The following ATXN7L2 variants were observed in gnomAD, a reference collection of about 807,000 sequenced individuals.
ATXN7L2 encodes ataxin-7-like protein 2.
A neutral mutation model predicts 59.6 loss-of-function variants in ATXN7L2; 17 were observed. That is an observed-to-expected ratio of 0.29 (90% CI 0.20 to 0.43). ATXN7L2 has a LOEUF of 0.43. Among genes scored for constraint, ATXN7L2 ranks in the 20% least tolerant of loss-of-function variants. The probability of loss-of-function intolerance (pLI) is 1.00; values close to 1 mark genes in which losing one functional copy is unlikely to be tolerated. For synonymous variants in ATXN7L2, 378 were observed against 392.5 expected (o/e 0.96, Z 0.44); for missense variants, 858 against 1,008.9 (o/e 0.85, Z 2.03).
In ATXN7L2 at chr1:109,490,358, A is replaced by C; in HGVS notation, c.1420A>C (p.Met474Leu). The C allele has an allele frequency of 1.2e-6, 2 of 1,613,810 alleles. No homozygotes were observed. The highest frequency in any genetic ancestry group is 1.7e-6 in the Non-Finnish European group (2 of 1,180,022). ...CCGGTTCTGCTCAGCACTCAGCTCC[A>C]TGCTGGAACGGCACCTCAGCACACA... Reference protein sequence around the residue: ...LDRFCSALSSMLERHLSTHMW... With the variant: ...LDRFCSALSSLLERHLSTHMW... The change falls in exon 9 of 11, where the codon ATG becomes CTG. Residue 474 changes from methionine (M) to leucine (L), a missense_variant. Around this residue, in one of 3 missense-constraint regions of ATXN7L2, gnomAD observed 734 missense variants for 862.3 expected, o/e 0.85. Coordinates refer to ENST00000683729, the MANE Select transcript of ATXN7L2 (RefSeq NM_001350175.2).
rs770017357 is a variant in ATXN7L2, at chr1:109,487,111, G to C, written c.403G>C (p.Ala135Pro). 6.2e-7 allele frequency: 1 copy of C among 1,612,576 alleles called. No homozygotes were observed. Among genetic ancestry groups the C allele is most frequent in the Non-Finnish European group, 8.5e-7 (1 of 1,179,346 alleles). The change falls in exon 4 of 11, where the codon GCT becomes CCT. Residue 135 changes from alanine to proline, a missense_variant. Ala to Pro is a conservative substitution (Grantham distance 27). Around this residue, in one of 3 missense-constraint regions of ATXN7L2, gnomAD observed 734 missense variants for 862.3 expected, o/e 0.85. Coordinates refer to ENST00000683729, the MANE Select transcript of ATXN7L2 (RefSeq NM_001350175.2). Reference sequence around the variant, plus strand: ...CCATGTAGTGAATGGGCAGGGCCCAGCTTGTAGGGCCCCAGGTTCCACGAA... The same window carrying C: ...CCATGTAGTGAATGGGCAGGGCCCACCTTGTAGGGCCCCAGGTTCCACGAA... ...KCHVVNGQGP[A>P]CRAPGSTKTS...
chr1:109,490,438 T>G, intron 9 of ATXN7L2, 46 bp downstream of exon 9: 1 of 1,600,152 alleles, frequency 6.2e-7, no homozygotes, highest in Non-Finnish European at 8.5e-7. Flanking sequence ...TGGAAATTCC[T>G]AGGTTCCAGA....
In ATXN7L2 at chr1:109,483,979, C is replaced by T. The variant is rs758439174; in HGVS notation, c.26C>T (p.Ala9Val). ...ATGGCGGTGCGTGAACGCGCGGCGG[C>T]AGCAATGGCCGCTCTGGAGCGGCGG... Reference protein sequence around the residue: MAVRERAAAAMAALERRVP... With the variant: MAVRERAAVAMAALERRVP... The change falls in exon 1 of 11, where the codon GCA (alanine) becomes GTA (valine). Residue 9 changes from alanine (A) to valine (V), a missense_variant. Coordinates refer to ENST00000683729, the MANE Select transcript of ATXN7L2 (RefSeq NM_001350175.2). The T allele has an allele frequency of 2.2e-6, 3 of 1,365,488 alleles. No individual in the cohort carries two copies. Among genetic ancestry groups the T allele is most frequent in the Non-Finnish European group, 2.9e-6 (3 of 1,048,678 alleles). The allele number at this position is 1,365,488 out of a possible 1,614,324, so 84.6% of individuals were successfully genotyped here.
Position 109,486,489 on chromosome 1 carries a change from G to A in ATXN7L2, c.194-17G>A, listed in dbSNP as rs1656592252. On this transcript the variant is annotated splice_polypyrimidine_tract_variant and intron_variant, in intron 2 of 10. Coordinates refer to ENST00000683729, the MANE Select transcript of ATXN7L2 (RefSeq NM_001350175.2). This position sits in a 1 kb window ranked among gnomAD's most constrained non-coding sequence, Gnocchi z 4.3. ...TGGGATCTTCAGCCCCAGTGACATG[G>A]GCTTCTGTCATTGCAGACATGTCCA... 6.3e-7 allele frequency: 1 copy of A among 1,597,864 alleles called. No individual in the cohort carries two copies. The highest frequency in any genetic ancestry group is 8.6e-7 in the Non-Finnish European group (1 of 1,166,350).
Position 109,492,687 on chromosome 1 carries a change from C to G in ATXN7L2, c.*87C>G. The G allele has an allele frequency of 6.8e-7, 1 of 1,468,926 alleles. No individual in the cohort carries two copies. The highest frequency in any genetic ancestry group is 9.2e-7 in the Non-Finnish European group (1 of 1,086,246). 91.0% of individuals were successfully genotyped at this position (1,468,926 alleles called of 1,614,324 possible). A position where few individuals can be genotyped will look rare whatever the true frequency, so the allele number is the denominator to read the frequency against. ...CCCAGGCTGCTGCCGCTTTTTATAACTTTATATTATTTTTTTTTAAGAAAA... is the reference window on the plus strand; with the variant it reads ...CCCAGGCTGCTGCCGCTTTTTATAAGTTTATATTATTTTTTTTTAAGAAAA... On this transcript the variant is annotated 3_prime_UTR_variant, in exon 11 of 11. Coordinates refer to ENST00000683729, the MANE Select transcript of ATXN7L2 (RefSeq NM_001350175.2).
At chr1:109,484,594 C>T (rs1398099479) in intron 1 of ATXN7L2, among the ~76,000 whole-genome samples, 2 of 152,134 alleles carry the variant, frequency 1.3e-5, no homozygotes, top group Non-Finnish European at 2.9e-5. Flanking sequence ...ATCTATCCTC[C>T]CTCCCTCCAT....
In ATXN7L2 at chr1:109,491,771, T is replaced by A; in HGVS notation, c.2250+54T>A. 6.7e-7 allele frequency: 1 copy of A among 1,484,534 alleles called. No homozygotes were observed. Among genetic ancestry groups the A allele is most frequent in the Non-Finnish European group, 9.0e-7 (1 of 1,110,610 alleles). 92.0% of individuals were successfully genotyped at this position (1,484,534 alleles called of 1,614,324 possible). On this transcript the variant is annotated intron_variant, in intron 10 of 10. Transcript: ENST00000683729. This position sits in a 1 kb window ranked among gnomAD's most constrained non-coding sequence, Gnocchi z 4.1. The stretch of plus-strand genomic sequence containing the variant: ...GAGGGTGGGGCACACAGGGGGTACC[T>A]GATACAGAGAAGATGCTACATTGGT...
Position 109,486,316 on chromosome 1 carries a change from C to G in ATXN7L2, c.194-190C>G. The G allele has an allele frequency of 1.0e-6, 1 of 993,038 alleles. No homozygotes were observed. Among genetic ancestry groups the G allele is most frequent in the Non-Finnish European group, 1.4e-6 (1 of 697,412 alleles). 61.5% of individuals were successfully genotyped at this position (993,038 alleles called of 1,614,324 possible). On this transcript the variant is annotated intron_variant, in intron 2 of 10. Transcript: ENST00000683729. The surrounding 1 kb of genome is among the most constrained non-coding windows in gnomAD (Gnocchi z 4.3). Reference sequence around the variant, plus strand: ...GATCATAATCATAGGTGATTGCCCACTCACCTGAAAGCGTATACCCTTTGG... The same window carrying G: ...GATCATAATCATAGGTGATTGCCCAGTCACCTGAAAGCGTATACCCTTTGG...
chr1:109,487,385 C>G, intron 4 of ATXN7L2, 133 bp from the exon 5 acceptor site: 4 of 1,189,898 alleles, frequency 3.4e-6, no homozygotes, highest in South Asian at 1.8e-5. Flanking sequence ...GTCTCCTCTT[C>G]CCGTGTTTCA....
Position 109,488,321 on chromosome 1 carries a change from C to A in ATXN7L2, c.797-62C>A. On this transcript the variant is annotated intron_variant, in intron 5 of 10. Coordinates refer to ENST00000683729, the MANE Select transcript of ATXN7L2 (RefSeq NM_001350175.2). This position sits in a 1 kb window ranked among gnomAD's most constrained non-coding sequence, Gnocchi z 5.0. ...TCTCAGGCCCTTGGCAGGAAGCGGC[C>A]AAATCCTCCTGTAAACTCCTGGAAA... The A allele has an allele frequency of 6.7e-7, 1 of 1,495,824 alleles. No homozygotes were observed. The highest frequency in any genetic ancestry group is 1.2e-5 in the South Asian group (1 of 83,504). The allele number at this position is 1,495,824 out of a possible 1,614,324, so 92.7% of individuals were successfully genotyped here. A position where few individuals can be genotyped will look rare whatever the true frequency, so the allele number is the denominator to read the frequency against.
In ATXN7L2 at chr1:109,491,096, A is replaced by G. The variant is rs1247815599; in HGVS notation, c.1629A>G (p.Ala543=). 2 of 1,613,664 alleles carry G rather than the reference A, an allele frequency of 1.2e-6. No individual in the cohort carries two copies. Among genetic ancestry groups the G allele is most frequent in the Non-Finnish European group, 1.7e-6 (2 of 1,179,978 alleles). The change falls in exon 10 of 11, where the codon GCA becomes GCG. Residue 543 remains alanine (A), a synonymous_variant. Coordinates refer to ENST00000683729, the MANE Select transcript of ATXN7L2 (RefSeq NM_001350175.2). The surrounding 1 kb of genome is among the most constrained non-coding windows in gnomAD (Gnocchi z 4.1). ...TKDNLVPSYP[A]GSPSVAAACS... Reference sequence around the variant, plus strand: ...ACAACCTTGTCCCCAGCTACCCTGCAGGCTCCCCCAGCGTGGCGGCTGCCT... The same window carrying G: ...ACAACCTTGTCCCCAGCTACCCTGCGGGCTCCCCCAGCGTGGCGGCTGCCT...
Position 109,488,271 on chromosome 1 carries a change from G to T in ATXN7L2, c.797-112G>T. ...AGGTACAGCCCCAGGCTGAGGGCTG[G>T]AGTCTCTTCTGCCTTAGTACCAGTT... On this transcript the variant is annotated intron_variant, in intron 5 of 10. Coordinates refer to ENST00000683729, the MANE Select transcript of ATXN7L2 (RefSeq NM_001350175.2). The surrounding 1 kb of genome is among the most constrained non-coding windows in gnomAD (Gnocchi z 5.0). The T allele has an allele frequency of 1.0e-6, 1 of 983,848 alleles. No individual in the cohort carries two copies. The highest frequency in any genetic ancestry group is 1.6e-6 in the Non-Finnish European group (1 of 635,740). The allele number at this position is 983,848 out of a possible 1,614,324, so 60.9% of individuals were successfully genotyped here.
chr1:109,488,256 C>A lies in ATXN7L2; in HGVS notation c.797-127C>A. The stretch of plus-strand genomic sequence containing the variant: ...AGAAGTTTATCTGGAAGGTACAGCC[C>A]CAGGCTGAGGGCTGGAGTCTCTTCT... On this transcript the variant is annotated intron_variant, in intron 5 of 10. Transcript: ENST00000683729. The surrounding 1 kb of genome is among the most constrained non-coding windows in gnomAD (Gnocchi z 5.0). 1 of 894,406 alleles carries A rather than the reference C, an allele frequency of 1.1e-6. No homozygotes were observed. The highest frequency in any genetic ancestry group is 1.8e-6 in the Non-Finnish European group (1 of 554,326). The allele number at this position is 894,406 out of a possible 1,614,324, so 55.4% of individuals were successfully genotyped here.
chr1:109,490,143 T>C lies in ATXN7L2; in HGVS notation c.1332+15T>C, dbSNP rs1277290472. 1.3e-6 allele frequency: 2 copies of C among 1,564,646 alleles called. No individual in the cohort carries two copies. The highest frequency in any genetic ancestry group is 2.4e-5 in the South Asian group (2 of 82,472). On this transcript the variant is annotated intron_variant, in intron 8 of 10. Coordinates refer to ENST00000683729, the MANE Select transcript of ATXN7L2 (RefSeq NM_001350175.2). Reference sequence around the variant, plus strand: ...GGCCACAGGCGGTAAGGACCTGGAATAGGGGCCTATGGAGGGGGTGGCCCA... The same window carrying C: ...GGCCACAGGCGGTAAGGACCTGGAACAGGGGCCTATGGAGGGGGTGGCCCA...
At position 109,491,909 on chromosome 1, in the gene ATXN7L2, C is replaced by A; in HGVS notation, c.2250+192C>A. 1 of 1,209,042 alleles carries A rather than the reference C, an allele frequency of 8.3e-7. No homozygotes were observed. The highest frequency in any genetic ancestry group is 1.1e-6 in the Non-Finnish European group (1 of 901,720). The allele number at this position is 1,209,042 out of a possible 1,614,324, so 74.9% of individuals were successfully genotyped here. On this transcript the variant is annotated intron_variant, in intron 10 of 10. Transcript: ENST00000683729. The surrounding 1 kb of genome is among the most constrained non-coding windows in gnomAD (Gnocchi z 4.1). ...TGACTCCAGCTTTTTGCCTGGTGAA[C>A]CTTCCCCTATCCCTAACCCTTTCCC...
rs1179446962 is a variant in ATXN7L2, at chr1:109,491,545, A to G, written c.2078A>G (p.Asn693Ser). The change falls in exon 10 of 11, where the codon AAC becomes AGC. Residue 693 changes from asparagine to serine, a missense_variant. By Grantham distance (46) the Asn-to-Ser change is conservative. Transcript: ENST00000683729. This position sits in a 1 kb window ranked among gnomAD's most constrained non-coding sequence, Gnocchi z 4.1. ...CACCCAGCCAAGGCCCTGCCAACCA[A>G]CTGCCTCTCTGAGGAGGAGGTGGCC... ...AGHPAKALPT[N>S]CLSEEEVAKK... The G allele has an allele frequency of 2.5e-6, 4 of 1,613,980 alleles. No individual in the cohort carries two copies. Among genetic ancestry groups the G allele is most frequent in the Admixed American group, 1.7e-5 (1 of 60,038 alleles).
In ATXN7L2 at chr1:109,491,405, T is replaced by G; in HGVS notation, c.1938T>G (p.Asn646Lys). ...AAACAGCCCTGAGCATGGGGCTTAA[T>G]GGGACAATGGGGCCAAGAGTGAAGC... Reference protein sequence around the residue: ...KTKTALSMGLNGTMGPRVKRA... With the variant: ...KTKTALSMGLKGTMGPRVKRA... The change falls in exon 10 of 11, where the codon AAT becomes AAG. Residue 646 changes from asparagine to lysine, a missense_variant. Around this residue, in one of 3 missense-constraint regions of ATXN7L2, gnomAD observed 734 missense variants for 862.3 expected, o/e 0.85. Coordinates refer to ENST00000683729, the MANE Select transcript of ATXN7L2 (RefSeq NM_001350175.2). The surrounding 1 kb of genome is among the most constrained non-coding windows in gnomAD (Gnocchi z 4.1). The G allele has an allele frequency of 1.9e-6, 3 of 1,614,210 alleles. No individual in the cohort carries two copies. Among genetic ancestry groups the G allele is most frequent in the Non-Finnish European group, 2.5e-6 (3 of 1,180,036 alleles).
In ATXN7L2 at chr1:109,488,972, G is replaced by C; in HGVS notation, c.1005G>C (p.Lys335Asn). 2 of 1,614,184 alleles carry C rather than the reference G, an allele frequency of 1.2e-6. No homozygotes were observed. The highest frequency in any genetic ancestry group is 1.7e-6 in the Non-Finnish European group (2 of 1,180,022). The stretch of plus-strand genomic sequence containing the variant: ...CCAAGGAGAAGAGCCCAGGGCGCAA[G>C]GAGCAAGTTCTCGAGCGCCCCTCCC... ...ESPKEKSPGR[K>N]EQVLERPSQE... The change falls in exon 7 of 11, where the codon AAG becomes AAC. Residue 335 changes from lysine (K) to asparagine (N), a missense_variant. By Grantham distance (94) the Lys-to-Asn change is moderately conservative. This residue lies in a region of ATXN7L2 where 734 missense variants were observed against 862.3 expected (regional missense o/e 0.85). Coordinates refer to ENST00000683729, the MANE Select transcript of ATXN7L2 (RefSeq NM_001350175.2). This position sits in a 1 kb window ranked among gnomAD's most constrained non-coding sequence, Gnocchi z 5.0.
chr1:109,485,586 G>A, intron 1 of ATXN7L2: 4 of 985,634 alleles, frequency 4.1e-6, no homozygotes, highest in Non-Finnish European at 4.8e-6. Context: ...CCACATAGTA[G>A]CAGAAAGGAC....
Sources: allele counts gnomAD v4.1 joint callset (sites outside exome capture counted in the v4.1 genomes callset), GRCh38; gene constraint gnomAD v4.1.1; regional missense constraint gnomAD v4.1.1; non-coding constraint Gnocchi (gnomAD v3.1); transcripts MANE v1.5; gene names NCBI Gene and HGNC (gene_info 2026-07-23, HGNC 2026-07-21).